Variants in UPP2 observed in about 807,000 individuals in gnomAD.
UPP2 encodes uridine phosphorylase 2, also known as UPase 2.
UPP2 carries 23 observed loss-of-function variants against 26.7 expected under a neutral mutation model. That is an observed-to-expected ratio of 0.86 (90% confidence interval 0.62 to 1.22). The LOEUF (loss-of-function observed/expected upper bound fraction) is 1.22, where lower values mean the gene tolerates loss of function less well. UPP2 is among the 50% of genes most tolerant of loss of function. The pLI is 0.00. For missense variants in UPP2, 387 were observed against 396.7 expected, an observed-to-expected ratio of 0.98 and a Z score of 0.21; for synonymous variants, 127 against 141.3, an observed-to-expected ratio of 0.90 and a Z score of 0.72.
chr2:158,114,223 T>C (rs569986494), intron 2 of UPP2, among the ~76,000 whole-genome samples: 2 of 152,312 alleles, frequency 1.3e-5, no homozygotes, highest in African/African-American at 4.8e-5. Flanking sequence ...CGGGAGGACT[T>C]GACTCTTGCC....
chr2:158,053,194 A>C (rs918075523), intron 3 of UPP2, among the ~76,000 whole-genome samples: 1 of 152,176 alleles, frequency 6.6e-6, no homozygotes, highest in Non-Finnish European at 1.5e-5. Flanking sequence ...CCTTTTGGGA[A>C]GTCCTGATTT....
chr2:158,079,182 C>T (rs1574278776), intron 3 of UPP2, among the ~76,000 whole-genome samples: 1 of 152,190 alleles, frequency 6.6e-6, no homozygotes, highest in Non-Finnish European at 1.5e-5. Flanking sequence ...AATATCTTTC[C>T]TTTATAAATT....
chr2:158,001,029 TC>T (rs1683396299), intron 2 of UPP2, among the ~76,000 whole-genome samples: 1 of 152,240 alleles, frequency 6.6e-6, no homozygotes, highest in Non-Finnish European at 1.5e-5. Context: ...GTATTGCTAA[TC>T]CTCAGTAAAG....
chr2:158,058,419 CTGTGTGTGTGTGTGTGTG>C (rs70990632), intron 3 of UPP2, among the ~76,000 whole-genome samples: 3 of 136,378 alleles, frequency 2.2e-5, no homozygotes, highest in African/African-American at 8.6e-5. Flanking sequence ...TCCCCCCAAC[CTGTGTGTGTGTGTGTGTG>C]TGTGTGTGTG....
intron 2 of UPP2, among the ~76,000 whole-genome samples, chr2:157,998,575 C>G (rs6728626): frequency 0.68 from 102,804 of 151,970 alleles, 35,271 homozygotes; most frequent in East Asian, 0.98. Context: ...GCCCAGGTGG[C>G]TGGATCACTT....
chr2:158,036,901 G>T (rs534275703), intron 3 of UPP2, among the ~76,000 whole-genome samples: 9 of 152,242 alleles, frequency 5.9e-5, no homozygotes, highest in African/African-American at 1.7e-4. Context: ...AGACCCCAAG[G>T]TCTTCTGTAT....
Position 158,115,662 on chromosome 2 carries a change from C to T in UPP2, c.339+403C>T, listed in dbSNP as rs80057907. 3.1e-3 allele frequency among the ~76,000 whole-genome samples: 479 copies of T among 152,254 alleles called. 2 individuals carry two copies. Among genetic ancestry groups the T allele is most frequent in the African/African-American group, 0.011 (453 of 41,546 alleles). ...CTGCTGTTTAACACCATAATAAGCTCGCTGAAAAGCTGCTAATGCATTTCT... is the reference window on the plus strand; with the variant it reads ...CTGCTGTTTAACACCATAATAAGCTTGCTGAAAAGCTGCTAATGCATTTCT... On this transcript the variant is annotated intron_variant, in intron 3 of 6. Coordinates refer to ENST00000005756, the MANE Select transcript of UPP2 (RefSeq NM_173355.4).
intron 3 of UPP2, among the ~76,000 whole-genome samples, chr2:158,088,005 G>T (rs555782475): frequency 2.0e-5 from 3 of 152,260 alleles, no homozygotes; most frequent in African/African-American, 7.2e-5. Flanking sequence ...TGTTCTTTGA[G>T]GTTCTTGTTT....
intron 3 of UPP2, among the ~76,000 whole-genome samples, chr2:158,084,669 A>G (rs1006717006): frequency 1.9e-4 from 29 of 152,074 alleles, no homozygotes; most frequent in African/African-American, 7.0e-4. Context: ...TTGACTTTTG[A>G]ATAAGGTGAG....
intron 3 of UPP2, among the ~76,000 whole-genome samples, chr2:158,061,328 A>G (rs1348568156): frequency 6.6e-6 from 1 of 152,124 alleles, no homozygotes; most frequent in African/African-American, 2.4e-5. Flanking sequence ...TTCCCCTCAC[A>G]CAAGGCCTTA....
Position 158,117,839 on chromosome 2 carries a change from C to A in UPP2, c.355C>A (p.Pro119Thr). ...VLAISHGMGI[P>T]SISIMLHELI... is the part of the protein sequence containing the mutation. ...CTCTCAATAGCACGGCATGGGCATC[C>A]CCTCCATTTCTATTATGCTTCATGA... is the stretch of plus-strand genomic sequence containing the variant. The change falls in exon 4 of 7, where the codon CCC (proline) becomes ACC (threonine). Residue 119 changes from proline (P) to threonine (T), a missense_variant. Coordinates refer to ENST00000005756, the MANE Select transcript of UPP2 (RefSeq NM_173355.4). 1 of 1,611,402 alleles carries A rather than the reference C, an allele frequency of 6.2e-7. No homozygotes were observed.
intron 3 of UPP2, among the ~76,000 whole-genome samples, chr2:158,063,329 G>A (rs1284144881): frequency 6.6e-6 from 1 of 152,152 alleles, no homozygotes; most frequent in Non-Finnish European, 1.5e-5. Context: ...TTGATTCATT[G>A]CTGTATTCTT....
chr2:158,109,867 A>C (rs1051228047), intron 2 of UPP2, among the ~76,000 whole-genome samples: 4 of 152,236 alleles, frequency 2.6e-5, no homozygotes, highest in African/African-American at 9.6e-5. Context: ...ACTCAAACAA[A>C]GCAGGATATA....
At chr2:158,044,871 C>T (rs1248310446) in intron 3 of UPP2, among the ~76,000 whole-genome samples, 1 of 152,180 alleles carries the variant, frequency 6.6e-6, no homozygotes, top group Non-Finnish European at 1.5e-5. Flanking sequence ...AACTCCGCTC[C>T]ATGTGTCTGA....
At chr2:158,085,046 G>T (rs1052113881) in intron 3 of UPP2, among the ~76,000 whole-genome samples, 4 of 152,026 alleles carry the variant, frequency 2.6e-5, no homozygotes, top group Admixed American at 1.3e-4. Flanking sequence ...GTGGTATTTT[G>T]ATGGGAATTG....
At chr2:158,076,631 A>G (rs947369428) in intron 3 of UPP2, among the ~76,000 whole-genome samples, 7 of 152,060 alleles carry the variant, frequency 4.6e-5, no homozygotes, top group Non-Finnish European at 8.8e-5. Flanking sequence ...GCTTTATGAT[A>G]AAAATTCTCA....
chr2:158,090,818 G>T (rs35312435), intron 3 of UPP2, among the ~76,000 whole-genome samples: 8,415 of 152,160 alleles, frequency 0.055, 351 homozygotes, highest in East Asian at 0.14. Flanking sequence ...TGCCACTGAG[G>T]CCCAGAGAGG....
At chr2:158,027,150 A>G (rs1170566296) in intron 3 of UPP2, among the ~76,000 whole-genome samples, 1 of 152,144 alleles carries the variant, frequency 6.6e-6, no homozygotes, top group African/African-American at 2.4e-5. Flanking sequence ...TGCCTTCCCA[A>G]CAGTCCCCTA....
chr2:158,087,430 T>G (rs1379147332), intron 3 of UPP2, among the ~76,000 whole-genome samples: 1 of 152,196 alleles, frequency 6.6e-6, no homozygotes, highest in Non-Finnish European at 1.5e-5. Flanking sequence ...GGTTGGTGAA[T>G]TCTCCATTCT....
Sources: allele counts gnomAD v4.1 joint callset (sites outside exome capture counted in the v4.1 genomes callset), GRCh38; gene constraint gnomAD v4.1.1; transcripts MANE v1.5; gene names NCBI Gene and HGNC (gene_info 2026-07-23, HGNC 2026-07-21).